The following STARD13 variants were observed in gnomAD, a reference collection of about 807,000 sequenced individuals.
STARD13 encodes the protein StAR related lipid transfer domain containing 13, also known as stAR-related lipid transfer protein 13.
A neutral mutation model predicts 106.4 loss-of-function variants in STARD13; 62 were observed. That is an observed-to-expected ratio of 0.58 (90% CI 0.48 to 0.72). The LOEUF (loss-of-function observed/expected upper bound fraction) is 0.72. STARD13 is among the 30% of genes least tolerant of loss of function. STARD13 has a pLI of 0.00. For synonymous variants in STARD13, 565 were observed against 553.0 expected (o/e 1.02, Z -0.31); for missense variants, 1,387 against 1,424.0 (o/e 0.97, Z 0.42).
rs180796319 is a variant in STARD13, at chr13:33,327,261, C to T, written c.124+23029G>A. On this transcript the variant is annotated intron_variant, in intron 1 of 5. Coordinates refer to the STARD13 transcript ENST00000567873. ...ATAAGTTCTCTTGAGAGACGATATT[C>T]ATTTTTTAAATGCTGGCCAGCTTGA... Among the ~76,000 whole-genome samples the T allele has an allele frequency of 1.1e-4, 16 of 152,308 alleles. No homozygotes were observed. In the East Asian group the frequency reaches 3.1e-3, roughly 29 times the overall value.
chr13:33,443,888 CAAA>C, the STARD13 span, among the ~76,000 whole-genome samples: 4 of 50,190 alleles, frequency 8.0e-5, no homozygotes, highest in Admixed American at 2.1e-4. Flanking sequence ...GACTCAGTCT[CAAA>C]AAAAAAAAAA....
chr13:33,282,288 C>T (rs961757945), intron 1 of STARD13, among the ~76,000 whole-genome samples: 32 of 152,166 alleles, frequency 2.1e-4, no homozygotes, highest in African/African-American at 7.5e-4. Flanking sequence ...GGAATTGCAA[C>T]CCCAGAACTA....
chr13:33,337,558 C>T (rs1045131520), intron 1 of STARD13, among the ~76,000 whole-genome samples: 7 of 152,174 alleles, frequency 4.6e-5, no homozygotes, highest in Non-Finnish European at 7.3e-5. Flanking sequence ...CTTTATAATG[C>T]TGTTGTCAGA....
chr13:33,351,355 T>C (rs2078077540), upstream of STARD13, among the ~76,000 whole-genome samples: 1 of 152,242 alleles, frequency 6.6e-6, no homozygotes, highest in Admixed American at 6.5e-5. Context: ...TAAGGTATTT[T>C]AGCCAAAAAC....
chr13:33,277,996 A>C (rs1283848014), intron 1 of STARD13, among the ~76,000 whole-genome samples: 1 of 152,196 alleles, frequency 6.6e-6, no homozygotes, highest in East Asian at 1.9e-4. Context: ...ACTTCAAAGT[A>C]TCTACTGCCA....
At chr13:33,381,672 G>C in the STARD13 span, among the ~76,000 whole-genome samples, 286 of 152,160 alleles carry the variant, frequency 1.9e-3, 1 homozygote, top group African/African-American at 6.4e-3. Flanking sequence ...CCCAGGAGGC[G>C]GAGGTTGCAG....
chr13:33,444,811 A>G, the STARD13 span, among the ~76,000 whole-genome samples: 32 of 152,148 alleles, frequency 2.1e-4, no homozygotes, highest in Non-Finnish European at 3.7e-4. Context: ...TCAAAAAGTC[A>G]TTTGCCTCAT....
At chr13:33,582,059 A>C in the STARD13 span, among the ~76,000 whole-genome samples, 1 of 150,934 alleles carries the variant, frequency 6.6e-6, no homozygotes. Context: ...TCTCTACTAA[A>C]AATACAAAAA....
chr13:33,600,246 A>C, the STARD13 span, among the ~76,000 whole-genome samples: 1 of 152,260 alleles, frequency 6.6e-6, no homozygotes, highest in Non-Finnish European at 1.5e-5. Flanking sequence ...CTCCTGATAA[A>C]GTGATCAAAC....
Position 33,181,679 on chromosome 13 carries a change from T to C in STARD13, c.170-14057A>G, listed in dbSNP as rs564320921. Among the ~76,000 whole-genome samples the C allele has an allele frequency of 6.6e-4, 101 of 152,348 alleles. 2 individuals carry two copies. Among genetic ancestry groups the C allele is most frequent in the Admixed American group, 5.6e-3 (85 of 15,294 alleles). On this transcript the variant is annotated intron_variant, in intron 1 of 13. Transcript: ENST00000336934. ...AAATAAGGTAACATTATTCTTCTAG[T>C]TCTGATTCTGCCTCTGAGGGACATG...
the STARD13 span, among the ~76,000 whole-genome samples, chr13:33,490,814 ACACT>A: frequency 1.3e-5 from 2 of 152,216 alleles, no homozygotes; most frequent in African/African-American, 4.8e-5. Context: ...GAGCTGATTA[ACACT>A]CAAGCCGTCT....
At chr13:33,549,157 G>A in the STARD13 span, among the ~76,000 whole-genome samples, 2 of 152,162 alleles carry the variant, frequency 1.3e-5, no homozygotes. Flanking sequence ...ATCTTGATTT[G>A]TGCTTTGGAG....
At chr13:33,374,990 A>G in the STARD13 span, among the ~76,000 whole-genome samples, 1 of 152,316 alleles carries the variant, frequency 6.6e-6, no homozygotes, top group South Asian at 2.1e-4. Flanking sequence ...ATCCATACCT[A>G]CAAATTAGAC....
At chr13:33,499,468 A>G in the STARD13 span, among the ~76,000 whole-genome samples, 1 of 151,464 alleles carries the variant, frequency 6.6e-6, no homozygotes, top group African/African-American at 2.4e-5. Context: ...GCAGAGAGAA[A>G]AGGAGCTCCA....
At chr13:33,520,597 T>C in the STARD13 span, among the ~76,000 whole-genome samples, 2 of 152,060 alleles carry the variant, frequency 1.3e-5, no homozygotes, top group Admixed American at 6.6e-5. Flanking sequence ...GCCCCTCGGG[T>C]AGTGCTACCT....
At chr13:33,625,862 C>T in the STARD13 span, among the ~76,000 whole-genome samples, 6 of 152,016 alleles carry the variant, frequency 3.9e-5, no homozygotes, top group South Asian at 2.1e-4. Context: ...CCACCATACC[C>T]GGCTAATTTT....
At chr13:33,416,007 G>C in the STARD13 span, among the ~76,000 whole-genome samples, 1 of 152,176 alleles carries the variant, frequency 6.6e-6, no homozygotes, top group African/African-American at 2.4e-5. Context: ...TCATGTTTTT[G>C]CTGTGGGTTG....
At chr13:33,276,801 G>T (rs1377770334) in intron 1 of STARD13, 1 of 152,056 alleles carries the variant, frequency 6.6e-6, no homozygotes, top group African/African-American at 2.4e-5. Context: ...TTTCGCCCTT[G>T]TGTTTTATCC....
At chr13:33,616,931 T>C in the STARD13 span, among the ~76,000 whole-genome samples, 300 of 152,252 alleles carry the variant, frequency 2.0e-3, 1 homozygote, top group African/African-American at 6.6e-3. Context: ...ATAAGTAAAA[T>C]GGACCAGGCA....
Sources: allele counts gnomAD v4.1 joint callset (sites outside exome capture counted in the v4.1 genomes callset), GRCh38; gene constraint gnomAD v4.1.1; transcripts MANE v1.5; gene names NCBI Gene and HGNC (gene_info 2026-07-23, HGNC 2026-07-21).